STXBP5L: variants seen among roughly 807,000 people sequenced by gnomAD.
The protein encoded by STXBP5L is syntaxin-binding protein 5-like.
In STXBP5L, 65 loss-of-function variants were observed where a neutral mutation model predicts 144.5. The ratio of observed to expected loss-of-function variants is 0.45; its 90% CI spans 0.37 to 0.55. The LOEUF (loss-of-function observed/expected upper bound fraction) is 0.55. Ranked by LOEUF, STXBP5L falls within the 20% of genes least tolerant of loss-of-function variation. The pLI is 0.00. For missense variants in STXBP5L, 1,298 were observed against 1,405.5 expected (o/e 0.92, Z 1.22); for synonymous variants, 505 against 469.6 (o/e 1.08, Z -0.97).
chr3:121,171,487 C>T (rs1190351474), intron 9 of STXBP5L, among the ~76,000 whole-genome samples: 1 of 152,164 alleles, frequency 6.6e-6, no homozygotes, highest in African/African-American at 2.4e-5. Flanking sequence ...TCTCCTTAAG[C>T]TGATAAGCAA....
chr3:121,239,505 T>C (rs551370795), intron 13 of STXBP5L, among the ~76,000 whole-genome samples: 83 of 151,586 alleles, frequency 5.5e-4, no homozygotes, highest in African/African-American at 2.0e-3. Context: ...GTGGCACATA[T>C]ACACCATGGA....
At chr3:121,366,264 T>C (rs548433984) in intron 20 of STXBP5L, among the ~76,000 whole-genome samples, 1 of 152,102 alleles carries the variant, frequency 6.6e-6, no homozygotes, top group South Asian at 2.1e-4. Flanking sequence ...TATATATCAC[T>C]GTTAGATCTA....
At chr3:121,148,781 G>A (rs2045819911) in intron 7 of STXBP5L, among the ~76,000 whole-genome samples, 1 of 152,012 alleles carries the variant, frequency 6.6e-6, no homozygotes, top group African/African-American at 2.4e-5. Context: ...TAACAGAAAT[G>A]CATATATGTA....
intron 2 of STXBP5L, among the ~76,000 whole-genome samples, chr3:120,949,860 C>T (rs1339491278): frequency 6.6e-6 from 1 of 152,028 alleles, no homozygotes; most frequent in Non-Finnish European, 1.5e-5. Context: ...TGTAATGCCT[C>T]CAGATTTGTT....
intron 18 of STXBP5L, among the ~76,000 whole-genome samples, chr3:121,260,316 G>A (rs918207275): frequency 5.9e-5 from 9 of 152,048 alleles, no homozygotes; most frequent in Admixed American, 4.6e-4. Context: ...AGGGAAGTTA[G>A]CTTTCTCTAT....
chr3:121,160,675 A>T (rs1055269049), intron 9 of STXBP5L, among the ~76,000 whole-genome samples: 1 of 152,128 alleles, frequency 6.6e-6, no homozygotes, highest in African/African-American at 2.4e-5. Flanking sequence ...GTCAGAGTTC[A>T]ATCTATTAAT....
At chr3:121,383,668 G>A (rs889176151) in intron 22 of STXBP5L, among the ~76,000 whole-genome samples, 1 of 152,054 alleles carries the variant, frequency 6.6e-6, no homozygotes, top group African/African-American at 2.4e-5. Context: ...ATAATTTATG[G>A]CAGTAAAAAG....
intron 5 of STXBP5L, among the ~76,000 whole-genome samples, chr3:121,111,451 C>T (rs2043983198): frequency 6.6e-6 from 1 of 152,090 alleles, no homozygotes; most frequent in Non-Finnish European, 1.5e-5. Flanking sequence ...GTTGTTGCTG[C>T]TTTCTATTTG....
chr3:121,405,615 T>A (rs964984320), intron 22 of STXBP5L, among the ~76,000 whole-genome samples: 3 of 152,110 alleles, frequency 2.0e-5, no homozygotes, highest in Non-Finnish European at 4.4e-5. Flanking sequence ...ATTAAGATCT[T>A]ATTATTGAAG....
chr3:120,989,754 G>C (rs73187405), intron 3 of STXBP5L, among the ~76,000 whole-genome samples: 6,054 of 152,174 alleles, frequency 0.04, 169 homozygotes, highest in Middle Eastern at 0.082. Flanking sequence ...CTGGTGAATT[G>C]ATCCTTTTAT....
At chr3:121,308,901 T>A (rs1052089780) in intron 19 of STXBP5L, among the ~76,000 whole-genome samples, 1 of 152,134 alleles carries the variant, frequency 6.6e-6, no homozygotes. Flanking sequence ...CATTTCTGTA[T>A]CTCACTGGAA....
intron 20 of STXBP5L, among the ~76,000 whole-genome samples, chr3:121,364,944 A>G (rs886685083): frequency 1.3e-5 from 2 of 151,876 alleles, no homozygotes; most frequent in African/African-American, 2.4e-5. Context: ...AGTTTCATCA[A>G]ATGCTTTTTC....
In STXBP5L at chr3:121,243,028, A is replaced by G. The variant is rs188140654; in HGVS notation, c.1400+2521A>G. Among the ~76,000 whole-genome samples, 16 of 152,278 alleles carry G rather than the reference A, an allele frequency of 1.1e-4. No homozygotes were observed. The East Asian group carries it at 3.1e-3, about 29-fold the overall frequency. On this transcript the variant is annotated intron_variant, in intron 14 of 26. Coordinates refer to ENST00000471454, the MANE Select transcript of STXBP5L (RefSeq NM_001308330.2). ...TTCAGCCACATCAGTCCTTTTTCCA[A>G]GCTGGCAGAGCTCACAATTAGGAGG...
intron 19 of STXBP5L, among the ~76,000 whole-genome samples, chr3:121,290,531 G>A (rs1282659878): frequency 6.6e-6 from 1 of 152,060 alleles, no homozygotes; most frequent in Non-Finnish European, 1.5e-5. Context: ...TAGAGAAAGA[G>A]GGAATCCTCC....
chr3:121,229,731 T>G (rs779955175), intron 11 of STXBP5L, among the ~76,000 whole-genome samples: 1 of 151,984 alleles, frequency 6.6e-6, no homozygotes. Context: ...AATTATTTTA[T>G]TTTTTTGTAG....
chr3:121,272,907 C>T (rs982285560), intron 18 of STXBP5L, among the ~76,000 whole-genome samples: 3 of 152,030 alleles, frequency 2.0e-5, no homozygotes, highest in Non-Finnish European at 2.9e-5. Context: ...ACCTGTCACT[C>T]TCCTCCAGCA....
intron 20 of STXBP5L, among the ~76,000 whole-genome samples, chr3:121,324,835 T>G (rs2044091112): frequency 6.6e-6 from 1 of 152,072 alleles, no homozygotes; most frequent in Non-Finnish European, 1.5e-5. Flanking sequence ...GGTAGTGTTG[T>G]TTTTGTACTC....
chr3:120,989,083 T>C (rs1371604406), intron 3 of STXBP5L, among the ~76,000 whole-genome samples: 1 of 152,138 alleles, frequency 6.6e-6, no homozygotes, highest in Non-Finnish European at 1.5e-5. Context: ...GACACTTAAG[T>C]TGATTCCATA....
At chr3:121,280,879 C>G (rs964138928) in intron 19 of STXBP5L, among the ~76,000 whole-genome samples, 1 of 151,148 alleles carries the variant, frequency 6.6e-6, no homozygotes, top group African/African-American at 2.4e-5. Context: ...AATTCAAGAC[C>G]AGTCTACGTA....
Sources: allele counts gnomAD v4.1 joint callset (sites outside exome capture counted in the v4.1 genomes callset), GRCh38; gene constraint gnomAD v4.1.1; transcripts MANE v1.5; gene names NCBI Gene and HGNC (gene_info 2026-07-23, HGNC 2026-07-21).